Variants in GALNT17 observed in about 807,000 individuals in gnomAD.
GALNT17 encodes polypeptide N-acetylgalactosaminyltransferase 17.
A neutral mutation model predicts 63.7 loss-of-function variants in GALNT17; 29 were observed. The ratio of observed to expected loss-of-function variants is 0.46; its 90% CI spans 0.34 to 0.62. The LOEUF (loss-of-function observed/expected upper bound fraction) is 0.62, where lower values mean the gene tolerates loss of function less well. Ranked by LOEUF, GALNT17 falls within the 20% of genes least tolerant of loss-of-function variation. The pLI is 0.01. For synonymous variants in GALNT17, 305 were observed against 318.3 expected (o/e 0.96, Z 0.45); for missense variants, 603 against 799.6 (o/e 0.75, Z 2.97).
At chr7:71,284,387 G>A (rs1260311482) in intron 1 of GALNT17, 1 of 152,274 alleles carries the variant, frequency 6.6e-6, no homozygotes, top group Non-Finnish European at 1.5e-5. Context: ...AGTAGAAACG[G>A]GTTTCACCAT....
At chr7:71,234,922 G>A (rs907387587) in intron 1 of GALNT17, among the ~76,000 whole-genome samples, 4 of 152,152 alleles carry the variant, frequency 2.6e-5, no homozygotes, top group East Asian at 3.9e-4. Flanking sequence ...TGCAGAGGAC[G>A]CTGGAGGTTT....
chr7:71,664,524 TCA>T (rs1417785140), intron 6 of GALNT17, among the ~76,000 whole-genome samples: 1 of 151,990 alleles, frequency 6.6e-6, no homozygotes, highest in Non-Finnish European at 1.5e-5. Context: ...GGCAGGAGGA[TCA>T]CTTGAAGCCA....
intron 9 of GALNT17, among the ~76,000 whole-genome samples, chr7:71,698,894 G>A (rs556439522): frequency 9.9e-5 from 15 of 152,104 alleles, no homozygotes; most frequent in East Asian, 1.9e-4. Flanking sequence ...GGAGAGCGCC[G>A]GGCCCAGTGG....
chr7:71,633,974 C>T (rs1467885092), intron 6 of GALNT17, among the ~76,000 whole-genome samples: 3 of 152,240 alleles, frequency 2.0e-5, no homozygotes, highest in Non-Finnish European at 2.9e-5. Flanking sequence ...TGCCCACACA[C>T]ATGGTGTGAC....
intron 1 of GALNT17, among the ~76,000 whole-genome samples, chr7:71,242,043 T>C (rs1298279834): frequency 1.3e-5 from 2 of 151,982 alleles, no homozygotes; most frequent in Non-Finnish European, 2.9e-5. Context: ...AAGGGCAGCC[T>C]GCATGTCACA....
intron 1 of GALNT17, among the ~76,000 whole-genome samples, chr7:71,221,651 C>CT (rs2116421703): frequency 6.6e-6 from 1 of 152,302 alleles, no homozygotes; most frequent in Non-Finnish European, 1.5e-5. Flanking sequence ...AGTGGTCAGG[C>CT]TGATGTCAGC....
chr7:71,368,492 G>T (rs1792556616), intron 2 of GALNT17, among the ~76,000 whole-genome samples: 1 of 152,146 alleles, frequency 6.6e-6, no homozygotes. Flanking sequence ...TCATGACCCA[G>T]TTCAAATTTT....
chr7:71,689,686 C>A (rs1195938360), intron 9 of GALNT17, among the ~76,000 whole-genome samples: 8 of 152,212 alleles, frequency 5.3e-5, no homozygotes, highest in Admixed American at 5.2e-4. Flanking sequence ...TCCAGAAGAT[C>A]TAGCTAAACT....
intron 5 of GALNT17, among the ~76,000 whole-genome samples, chr7:71,493,648 T>A (rs959154606): frequency 6.6e-6 from 1 of 152,062 alleles, no homozygotes; most frequent in Non-Finnish European, 1.5e-5. Flanking sequence ...GATCCAATGA[T>A]CTCCCCCAGG....
In GALNT17 at chr7:71,305,844, TAAAA is replaced by T. The variant is rs572282476; in HGVS notation, c.239-29702_239-29699del. 8.1e-4 allele frequency among the ~76,000 whole-genome samples: 123 copies of T among 152,058 alleles called. No individual in the cohort carries two copies. The Middle Eastern group carries it at 0.014, about 17-fold the overall frequency. On this transcript the variant is annotated intron_variant, in intron 1 of 10. Coordinates refer to ENST00000333538, the MANE Select transcript of GALNT17 (RefSeq NM_022479.3). ...ACATCATCCAATTCATTCTGCCACT[TAAAA>T]AAAGAAAAAAAATCCAGGTACCGTG... is the stretch of plus-strand genomic sequence containing the variant.
At chr7:71,671,264 C>G (rs1791065686) in intron 8 of GALNT17, among the ~76,000 whole-genome samples, 1 of 152,166 alleles carries the variant, frequency 6.6e-6, no homozygotes, top group Non-Finnish European at 1.5e-5. Context: ...GGCCAAGGAG[C>G]AGAGAGCCAG....
intron 1 of GALNT17, among the ~76,000 whole-genome samples, chr7:71,249,452 A>G (rs546125294): frequency 6.6e-6 from 1 of 152,310 alleles, no homozygotes; most frequent in South Asian, 2.1e-4. Flanking sequence ...GTTTAATTAT[A>G]AATTATATGT....
chr7:71,351,411 A>G (rs1002212016), intron 2 of GALNT17, among the ~76,000 whole-genome samples: 12 of 152,112 alleles, frequency 7.9e-5, no homozygotes, highest in African/African-American at 2.7e-4. Flanking sequence ...ATTCAAGTCC[A>G]TCTGGAACCT....
At chr7:71,234,630 A>C (rs188085213) in intron 1 of GALNT17, among the ~76,000 whole-genome samples, 1 of 152,208 alleles carries the variant, frequency 6.6e-6, no homozygotes, top group Non-Finnish European at 1.5e-5. Flanking sequence ...GAGGGAAACT[A>C]AACTGCACCC....
chr7:71,488,181 A>AAC (rs771022267), intron 5 of GALNT17, among the ~76,000 whole-genome samples: 21 of 150,318 alleles, frequency 1.4e-4, no homozygotes, highest in Non-Finnish European at 2.5e-4. Flanking sequence ...AAAAAAAAAA[A>AAC]AAAAAAAACA....
intron 5 of GALNT17, among the ~76,000 whole-genome samples, chr7:71,460,384 C>CA (rs1394685443): frequency 3.3e-5 from 5 of 152,136 alleles, no homozygotes; most frequent in African/African-American, 9.7e-5. Flanking sequence ...ACCACCATCT[C>CA]AAAAAACAAA....
intron 1 of GALNT17, among the ~76,000 whole-genome samples, chr7:71,204,694 T>C (rs545666114): frequency 1.3e-5 from 2 of 151,818 alleles, no homozygotes; most frequent in East Asian, 1.9e-4. Flanking sequence ...GCCACCTGAG[T>C]ACCTGAAACT....
At position 71,477,697 on chromosome 7, in the gene GALNT17, C is replaced by CA. The variant is rs199784349; in HGVS notation, c.962+56601dup. Among the ~76,000 whole-genome samples, 1,378 of 150,048 alleles carry CA rather than the reference C, an allele frequency of 9.2e-3. 17 individuals are homozygous for CA. Among genetic ancestry groups the CA allele is most frequent in the African/African-American group, 0.03 (1,209 of 40,914 alleles). ...GGCCAAGATCCTGTATCTAAAAAAA[C>CA]AAAAAAAAAGGTTGAAAATAACTAG... On this transcript the variant is annotated intron_variant, in intron 5 of 10. Transcript: ENST00000333538.
intron 1 of GALNT17, among the ~76,000 whole-genome samples, chr7:71,236,220 C>G (rs976980051): frequency 7.2e-5 from 11 of 151,936 alleles, no homozygotes; most frequent in Admixed American, 6.6e-4. Context: ...AATCTACTCT[C>G]TTAGGAAAAG....
Sources: gnomAD v4.1 joint callset for allele counts (sites outside exome capture counted in the v4.1 genomes callset) on GRCh38, gnomAD v4.1.1 for gene constraint, MANE v1.5 for transcripts, NCBI Gene and HGNC (gene_info 2026-07-23, HGNC 2026-07-21) for gene names.